GFPT1: variants seen among roughly 807,000 people sequenced by gnomAD.
GFPT1 encodes glutamine--fructose-6-phosphate transaminase 1.
GFPT1 carries 40 observed loss-of-function variants against 92.0 expected under a neutral mutation model. The ratio of observed to expected loss-of-function variants is 0.43; its 90% CI spans 0.34 to 0.57. GFPT1 has a LOEUF of 0.57. GFPT1 is among the 20% of genes least tolerant of loss of function. GFPT1 has a pLI of 0.02. For missense variants in GFPT1, 448 were observed against 869.1 expected, an observed-to-expected ratio of 0.52 and a Z score of 6.09; for synonymous variants, 269 against 280.6, an observed-to-expected ratio of 0.96 and a Z score of 0.41.
intron 2 of GFPT1, among the ~76,000 whole-genome samples, chr2:69,372,703 A>G (rs1436051710): frequency 6.6e-6 from 1 of 152,242 alleles, no homozygotes; most frequent in Admixed American, 6.5e-5. Flanking sequence ...AAGGAAGCTA[A>G]GGAAGGAGAG....
intron 13 of GFPT1, among the ~76,000 whole-genome samples, chr2:69,339,652 C>T (rs1422799258): frequency 6.6e-6 from 1 of 152,166 alleles, no homozygotes; most frequent in Non-Finnish European, 1.5e-5. Context: ...CATCTCTCAC[C>T]CATCTCAGCT....
intron 11 of GFPT1, among the ~76,000 whole-genome samples, chr2:69,346,431 G>A (rs1671084055): frequency 6.6e-6 from 1 of 152,050 alleles, no homozygotes; most frequent in Non-Finnish European, 1.5e-5. Flanking sequence ...GTAGAGACAA[G>A]GTTTCACCAT....
In GFPT1 at chr2:69,325,249, T is replaced by C. The variant is rs535100185; in HGVS notation, c.*940A>G. ...ATTAACTACAGGAAATTCTTCCTCG[T>C]GACAAAGTTGAAGAGAATACTGAAT... On this transcript the variant is annotated 3_prime_UTR_variant, in exon 20 of 20. Transcript: ENST00000357308. 12 of 152,308 alleles carry C rather than the reference T, an allele frequency of 7.9e-5. No homozygotes were observed. Among genetic ancestry groups the C allele is most frequent in the African/African-American group, 2.4e-4 (10 of 41,584 alleles). 9.4% of individuals were successfully genotyped at this position (152,308 alleles called of 1,614,324 possible). A position where few individuals can be genotyped will look rare whatever the true frequency, so the allele number is the denominator to read the frequency against.
intron 3 of GFPT1, among the ~76,000 whole-genome samples, chr2:69,368,833 CTTATT>C (rs201338040): frequency 2.6e-5 from 4 of 152,198 alleles, no homozygotes; most frequent in African/African-American, 9.6e-5. Flanking sequence ...TCTAGCCTCC[CTTATT>C]TGTCTACCAA....
chr2:69,337,229 C>T (rs985773540), intron 15 of GFPT1, among the ~76,000 whole-genome samples: 13 of 152,032 alleles, frequency 8.6e-5, no homozygotes, highest in Admixed American at 7.9e-4. Flanking sequence ...CCACACCTGG[C>T]TAATTTTTGT....
Position 69,329,813 on chromosome 2 carries a change from A to C in GFPT1, c.1483-15T>G, listed in dbSNP as rs758789422. 11 of 1,329,998 alleles carry C rather than the reference A, an allele frequency of 8.3e-6. No homozygotes were observed. In the East Asian group the frequency reaches 2.5e-4, roughly 30 times the overall value. 82.4% of individuals were successfully genotyped at this position (1,329,998 alleles called of 1,614,324 possible). On this transcript the variant is annotated splice_polypyrimidine_tract_variant and intron_variant, in intron 15 of 19. Coordinates refer to ENST00000357308, the MANE Select transcript of GFPT1 (RefSeq NM_001244710.2). ...CTGGTATAAGCCTGAAACATCACAA[A>C]AAAGCAGGACAATTAGTTGCAGCTG...
chr2:69,366,207 TATTGAATCC>T (rs1183317745), intron 3 of GFPT1, among the ~76,000 whole-genome samples: 1 of 151,958 alleles, frequency 6.6e-6, no homozygotes, highest in East Asian at 1.9e-4. Context: ...AGATTCTATA[TATTGAATCC>T]ATTTCAAATT....
chr2:69,333,794 T>G (rs541033760), intron 15 of GFPT1, among the ~76,000 whole-genome samples: 5 of 152,166 alleles, frequency 3.3e-5, no homozygotes, highest in Non-Finnish European at 7.4e-5. Flanking sequence ...CAGGCAAAGT[T>G]GAGAATTTAC....
chr2:69,366,752 C>T (rs1171144110), intron 3 of GFPT1, among the ~76,000 whole-genome samples: 1 of 152,142 alleles, frequency 6.6e-6, no homozygotes, highest in African/African-American at 2.4e-5. Context: ...CTAAAGTACA[C>T]TTTTTCCTTT....
At chr2:69,381,770 T>C (rs1216458044) in intron 1 of GFPT1, among the ~76,000 whole-genome samples, 2 of 151,508 alleles carry the variant, frequency 1.3e-5, no homozygotes, top group Non-Finnish European at 2.9e-5. Context: ...CCCGGGCTGA[T>C]CTTGAACTCC....
intron 3 of GFPT1, among the ~76,000 whole-genome samples, chr2:69,365,201 A>G (rs6753031): frequency 0.66 from 99,832 of 151,934 alleles, 34,133 homozygotes; most frequent in African/African-American, 0.86. Flanking sequence ...AAACTGGCCG[A>G]GCACCACGGC....
At chr2:69,379,717 T>G (rs554256446) in intron 1 of GFPT1, among the ~76,000 whole-genome samples, 9 of 151,586 alleles carry the variant, frequency 5.9e-5, no homozygotes, top group African/African-American at 2.2e-4. Context: ...TTTATTTATT[T>G]ACTTATTTAT....
At chr2:69,369,939 G>T in intron 3 of GFPT1, 62 bp downstream of exon 3, 1 of 934,064 alleles carries the variant, frequency 1.1e-6, no homozygotes, top group East Asian at 2.4e-5. Context: ...ACTTAGAGGA[G>T]AATGGGGAGG....
At position 69,356,439 on chromosome 2, in the gene GFPT1, T is replaced by A; in HGVS notation, c.605+57A>T. On this transcript the variant is annotated intron_variant, in intron 7 of 19. Transcript: ENST00000357308. ...AGGGTCATGTATAGTCTACGAAGAA[T>A]AAACATGTAACTCAAATATGTTGAA... 4 of 1,203,212 alleles carry A rather than the reference T, an allele frequency of 3.3e-6. No individual in the cohort carries two copies. The South Asian group carries it at 3.6e-5, about 11-fold the overall frequency. The allele number at this position is 1,203,212 out of a possible 1,614,324, so 74.5% of individuals were successfully genotyped here.
In GFPT1 at chr2:69,321,928, A is replaced by G. The variant is rs1670410672; in HGVS notation, c.*4261T>C. ...ATAATTTTACAATCGTACTTTCACT[A>G]TGATTTTTATTTTAACCCTGGATAT... On this transcript the variant is annotated 3_prime_UTR_variant, in exon 20 of 20. Coordinates refer to ENST00000357308, the MANE Select transcript of GFPT1 (RefSeq NM_001244710.2). 1 of 152,190 alleles carries G rather than the reference A, an allele frequency of 6.6e-6. No homozygotes were observed. Among genetic ancestry groups the G allele is most frequent in the Non-Finnish European group, 1.5e-5 (1 of 68,012 alleles). 9.4% of individuals were successfully genotyped at this position (152,190 alleles called of 1,614,324 possible).
intron 15 of GFPT1, chr2:69,334,597 C>T (rs891279615): frequency 1.3e-5 from 2 of 152,110 alleles, no homozygotes; most frequent in East Asian, 3.8e-4. Context: ...AAACTTCAGG[C>T]TAGGGTAGTC....
chr2:69,366,259 G>T (rs7578988), intron 3 of GFPT1, among the ~76,000 whole-genome samples: 73,127 of 151,942 alleles, frequency 0.48, 18,166 homozygotes, highest in African/African-American at 0.62. Context: ...TTTCACTGTT[G>T]CTGTAGGAAC....
intron 12 of GFPT1, among the ~76,000 whole-genome samples, chr2:69,343,677 G>C (rs1671011844): frequency 6.6e-6 from 1 of 151,838 alleles, no homozygotes; most frequent in East Asian, 1.9e-4. Flanking sequence ...CTCCCAAAGT[G>C]CTGGGATTAC....
At chr2:69,384,766 A>G (rs990753261) in intron 1 of GFPT1, among the ~76,000 whole-genome samples, 1 of 147,208 alleles carries the variant, frequency 6.8e-6, no homozygotes, top group Non-Finnish European at 1.5e-5. Context: ...GAGAGAAAGA[A>G]GAAAGAAAGA....
Sources: allele counts gnomAD v4.1 joint callset (sites outside exome capture counted in the v4.1 genomes callset), GRCh38; gene constraint gnomAD v4.1.1; transcripts MANE v1.5; gene names NCBI Gene and HGNC (gene_info 2026-07-23, HGNC 2026-07-21).